SCRG1: variants seen among roughly 807,000 people sequenced by gnomAD.
The protein encoded by SCRG1 is scrapie-responsive protein 1.
In SCRG1, 3 loss-of-function variants were observed where a neutral mutation model predicts 7.7. The ratio of observed to expected loss-of-function variants is 0.39; its 90% CI spans 0.18 to 1.01. The LOEUF (loss-of-function observed/expected upper bound fraction) is 1.01. Ranked by LOEUF, SCRG1 falls within the 50% of genes least tolerant of loss-of-function variation. SCRG1 has a pLI of 0.36. For synonymous variants in SCRG1, 46 were observed against 41.2 expected (o/e 1.12, Z -0.44); for missense variants, 110 against 117.2 (o/e 0.94, Z 0.28).
At chr4:173,421,453 T>C in the SCRG1 span, among the ~76,000 whole-genome samples, 7 of 152,172 alleles carry the variant, frequency 4.6e-5, no homozygotes, top group Non-Finnish European at 7.3e-5. Context: ...TTTATGTTTA[T>C]GTTCAGTGTT....
the SCRG1 span, among the ~76,000 whole-genome samples, chr4:173,451,639 T>C: frequency 5.9e-4 from 34 of 57,586 alleles, no homozygotes; most frequent in Admixed American, 4.9e-3. Context: ...ACTTATTTTA[T>C]TTATTTATTT....
chr4:173,434,728 G>A, the SCRG1 span, among the ~76,000 whole-genome samples: 3 of 152,180 alleles, frequency 2.0e-5, no homozygotes, highest in Admixed American at 2.0e-4. Context: ...CTACTTGGGG[G>A]GCTGAGGCAG....
chr4:173,451,783 T>C, the SCRG1 span, among the ~76,000 whole-genome samples: 3 of 152,050 alleles, frequency 2.0e-5, no homozygotes, highest in East Asian at 5.8e-4. Flanking sequence ...ACTCTTGTGC[T>C]TTTAAATACT....
chr4:173,437,233 T>G, the SCRG1 span, among the ~76,000 whole-genome samples: 5 of 152,148 alleles, frequency 3.3e-5, no homozygotes, highest in Admixed American at 1.3e-4. Flanking sequence ...ATTTACTATG[T>G]AAGACACTCA....
chr4:173,398,888 T>G (rs1038781343), intron 1 of SCRG1, among the ~76,000 whole-genome samples, 180 bp downstream of exon 1: 15 of 152,202 alleles, frequency 9.9e-5, no homozygotes, highest in Admixed American at 9.2e-4. Context: ...TTTAATCTGA[T>G]TATTTGCCTT....
rs1739288408 is a variant in SCRG1 at position 173,387,903 on chromosome 4, G to A, written c.*438C>T. ...TTTTGTAAAGAGGGGGTCTCACTAT[G>A]TTGCCCAGGCTGGTCCCTTTTTCCT... is the stretch of plus-strand genomic sequence containing the variant. On this transcript the variant is annotated 3_prime_UTR_variant, in exon 3 of 3. Transcript: ENST00000296506. 1 of 152,750 alleles carries A rather than the reference G, an allele frequency of 6.5e-6. No individual in the cohort carries two copies. The highest frequency in any genetic ancestry group is 2.4e-5 in the African/African-American group (1 of 41,358). 9.5% of individuals were successfully genotyped at this position (152,750 alleles called of 1,614,324 possible). A position where few individuals can be genotyped will look rare whatever the true frequency, so the allele number is the denominator to read the frequency against.
the SCRG1 span, among the ~76,000 whole-genome samples, chr4:173,479,692 C>T: frequency 0.01 from 1,564 of 152,066 alleles, 36 homozygotes; most frequent in African/African-American, 0.036. Context: ...CACTCGCCTC[C>T]GTCTTCGAAA....
At chr4:173,497,333 A>G in the SCRG1 span, among the ~76,000 whole-genome samples, 1 of 152,002 alleles carries the variant, frequency 6.6e-6, no homozygotes, top group African/African-American at 2.4e-5. Context: ...CTGCCTACCT[A>G]TGGTCCCTCA....
the SCRG1 span, among the ~76,000 whole-genome samples, chr4:173,484,944 T>C: frequency 1.6e-5 from 1 of 60,662 alleles, no homozygotes; most frequent in Non-Finnish European, 2.8e-5. Context: ...TATTATATAT[T>C]ATATATAATA....
At chr4:173,472,370 T>C in the SCRG1 span, among the ~76,000 whole-genome samples, 2 of 152,252 alleles carry the variant, frequency 1.3e-5, no homozygotes. Flanking sequence ...TTGCCAAGTG[T>C]ATTAGGGTTC....
At chr4:173,484,757 T>TATTATATATTATATACAG in the SCRG1 span, among the ~76,000 whole-genome samples, 1 of 93,724 alleles carries the variant, frequency 1.1e-5, no homozygotes, top group Non-Finnish European at 1.8e-5. Flanking sequence ...ATTATATACA[T>TATTATATATTATATACAG]ATAATACATA....
the SCRG1 span, among the ~76,000 whole-genome samples, chr4:173,504,069 T>C: frequency 6.6e-6 from 1 of 152,190 alleles, no homozygotes; most frequent in Non-Finnish European, 1.5e-5. This position sits in a 1 kb window ranked among gnomAD's most constrained non-coding sequence, Gnocchi z 4.7. Flanking sequence ...CACCACTTCC[T>C]CCAGCACTCA....
chr4:173,458,211 T>C, the SCRG1 span, among the ~76,000 whole-genome samples: 1 of 152,158 alleles, frequency 6.6e-6, no homozygotes, highest in African/African-American at 2.4e-5. Context: ...AGTCTAGCCA[T>C]CCTGATAAGG....
chr4:173,490,738 T>C, the SCRG1 span, among the ~76,000 whole-genome samples: 1 of 152,222 alleles, frequency 6.6e-6, no homozygotes, highest in South Asian at 2.1e-4. Context: ...CCTCTCCTAA[T>C]ATTTCTATTT....
At chr4:173,514,245 A>G in the SCRG1 span, among the ~76,000 whole-genome samples, 1 of 152,218 alleles carries the variant, frequency 6.6e-6, no homozygotes, top group Non-Finnish European at 1.5e-5. Context: ...TTGCTCCTCC[A>G]GTTAAGTTCT....
At chr4:173,416,937 C>A in the SCRG1 span, among the ~76,000 whole-genome samples, 2 of 142,976 alleles carry the variant, frequency 1.4e-5, no homozygotes, top group East Asian at 2.0e-4. Context: ...CACACACACA[C>A]ACACACACAC....
chr4:173,467,717 C>T, the SCRG1 span: 1 of 152,152 alleles, frequency 6.6e-6, no homozygotes, highest in Admixed American at 6.6e-5. Flanking sequence ...AATCTCATTT[C>T]ATCTGAATTA....
the SCRG1 span, among the ~76,000 whole-genome samples, chr4:173,493,489 G>A: frequency 4.6e-5 from 7 of 152,038 alleles, no homozygotes; most frequent in South Asian, 2.1e-4. Flanking sequence ...GTGGTGGCGC[G>A]TGCTTGTAGT....
At chr4:173,468,831 C>G in the SCRG1 span, 1 of 152,170 alleles carries the variant, frequency 6.6e-6, no homozygotes, top group Non-Finnish European at 1.5e-5. Context: ...AGTTTGAAAA[C>G]CTATTCCAAC....
Sources: gnomAD v4.1 joint callset for allele counts (sites outside exome capture counted in the v4.1 genomes callset) on GRCh38, gnomAD v4.1.1 for gene constraint, Gnocchi (gnomAD v3.1) non-coding constraint, MANE v1.5 for transcripts, NCBI Gene and HGNC (gene_info 2026-07-23, HGNC 2026-07-21) for gene names.